GRM1: variants seen among roughly 807,000 people sequenced by gnomAD.
The protein encoded by GRM1 is metabotropic glutamate receptor 1.
In GRM1, 33 loss-of-function variants were observed where a neutral mutation model predicts 90.9. That is an observed-to-expected ratio of 0.36 (90% CI 0.28 to 0.49). The LOEUF (loss-of-function observed/expected upper bound fraction) is 0.49, where lower values mean the gene tolerates loss of function less well. GRM1 is among the 20% of genes least tolerant of loss of function. The probability of loss-of-function intolerance (pLI) is 0.99; values close to 1 mark genes in which losing one functional copy is unlikely to be tolerated. For missense variants in GRM1, 1,190 were observed against 1,534.3 expected (o/e 0.78, Z 3.75); for synonymous variants, 700 against 613.2 (o/e 1.14, Z -2.09).
intron 5 of GRM1, among the ~76,000 whole-genome samples, chr6:146,366,262 C>A (rs1309843321): frequency 6.6e-6 from 1 of 151,960 alleles, no homozygotes; most frequent in Non-Finnish European, 1.5e-5. Flanking sequence ...TATTTTAAAA[C>A]ATGCACACAA....
At chr6:146,225,531 T>C (rs1380399256) in intron 2 of GRM1, among the ~76,000 whole-genome samples, 3 of 152,200 alleles carry the variant, frequency 2.0e-5, no homozygotes, top group Admixed American at 1.3e-4. Context: ...ATTTTCATTT[T>C]GAAGTATGTA....
intron 1 of GRM1, among the ~76,000 whole-genome samples, chr6:146,061,281 A>G (rs1057035589): frequency 6.6e-6 from 1 of 152,170 alleles, no homozygotes; most frequent in African/African-American, 2.4e-5. Flanking sequence ...TGTGACAGAG[A>G]CACAAAGTGA....
chr6:146,305,337 C>A (rs1783537680), intron 3 of GRM1, among the ~76,000 whole-genome samples: 1 of 152,030 alleles, frequency 6.6e-6, no homozygotes, highest in African/African-American at 2.4e-5. Context: ...TCAGTCAGAA[C>A]AATGGTTCAC....
intron 1 of GRM1, among the ~76,000 whole-genome samples, chr6:146,081,576 C>T (rs916882044): frequency 2.6e-5 from 4 of 152,088 alleles, no homozygotes; most frequent in East Asian, 1.9e-4. Flanking sequence ...TGGAGCAGCC[C>T]GTAGTTTGCA....
chr6:146,419,063 G>C (rs531373357), intron 7 of GRM1, among the ~76,000 whole-genome samples: 25 of 152,178 alleles, frequency 1.6e-4, no homozygotes, highest in African/African-American at 6.0e-4. Flanking sequence ...CACAGGAGAG[G>C]TACTGAGATT....
At chr6:146,305,257 G>A (rs1412578658) in intron 3 of GRM1, among the ~76,000 whole-genome samples, 7 of 152,158 alleles carry the variant, frequency 4.6e-5, no homozygotes, top group Admixed American at 3.3e-4. Context: ...ATGAGGTAAT[G>A]TGACCCTAAG....
At chr6:146,285,534 T>A (rs1782730387) in intron 2 of GRM1, among the ~76,000 whole-genome samples, 1 of 152,220 alleles carries the variant, frequency 6.6e-6, no homozygotes. Flanking sequence ...ATGAATTAGA[T>A]CTCTTCCTTT....
chr6:146,149,841 G>C (rs188384828), intron 1 of GRM1, among the ~76,000 whole-genome samples: 3 of 152,150 alleles, frequency 2.0e-5, no homozygotes, highest in Non-Finnish European at 4.4e-5. Flanking sequence ...CTGGAACAGA[G>C]GTGAGGCTGG....
At chr6:146,318,161 C>A (rs189076052) in intron 3 of GRM1, among the ~76,000 whole-genome samples, 56 of 152,198 alleles carry the variant, frequency 3.7e-4, no homozygotes, top group African/African-American at 1.3e-3. Context: ...GCCCCCTATC[C>A]CCCAACAGGC....
chr6:146,102,964 A>C (rs1366231403), intron 1 of GRM1, among the ~76,000 whole-genome samples: 1 of 152,200 alleles, frequency 6.6e-6, no homozygotes, highest in Non-Finnish European at 1.5e-5. Context: ...TGAACAACCA[A>C]ATATTTGGGG....
intron 5 of GRM1, among the ~76,000 whole-genome samples, chr6:146,373,064 A>G (rs1448557005): frequency 6.6e-6 from 1 of 152,146 alleles, no homozygotes; most frequent in Non-Finnish European, 1.5e-5. Flanking sequence ...TAGCATGGGC[A>G]TTTTAACGAT....
At chr6:146,332,619 A>G (rs1414091234) in intron 3 of GRM1, among the ~76,000 whole-genome samples, 2 of 152,212 alleles carry the variant, frequency 1.3e-5, no homozygotes, top group African/African-American at 2.4e-5. Context: ...TGAATAATCT[A>G]GAATAACCCC....
chr6:146,102,234 A>G (rs1371884481), intron 1 of GRM1, among the ~76,000 whole-genome samples: 1 of 151,786 alleles, frequency 6.6e-6, no homozygotes, highest in East Asian at 1.9e-4. Context: ...CACTCTTCCT[A>G]TCCTTGCTTA....
chr6:146,140,556 G>A (rs910751037), intron 1 of GRM1, among the ~76,000 whole-genome samples: 28 of 152,184 alleles, frequency 1.8e-4, no homozygotes, highest in Admixed American at 1.2e-3. Context: ...GGCATGAGCC[G>A]CCACACCCAG....
chr6:146,397,068 A>G (rs1164580742), intron 6 of GRM1, among the ~76,000 whole-genome samples: 1 of 152,102 alleles, frequency 6.6e-6, no homozygotes, highest in Non-Finnish European at 1.5e-5. Flanking sequence ...CCAGTGAGTG[A>G]CCCTGTTGAT....
intron 3 of GRM1, among the ~76,000 whole-genome samples, chr6:146,330,959 T>C (rs1784567299): frequency 6.6e-6 from 1 of 152,188 alleles, no homozygotes; most frequent in South Asian, 2.1e-4. Flanking sequence ...TAATCATATA[T>C]AACAGCAAGC....
chr6:146,274,354 T>G (rs1782280016), intron 2 of GRM1, among the ~76,000 whole-genome samples: 1 of 152,198 alleles, frequency 6.6e-6, no homozygotes, highest in Non-Finnish European at 1.5e-5. Flanking sequence ...AAAATCAATT[T>G]ATATAGGCTA....
chr6:146,092,289 A>G (rs1056347796), intron 1 of GRM1, among the ~76,000 whole-genome samples: 27 of 151,984 alleles, frequency 1.8e-4, no homozygotes, highest in Non-Finnish European at 2.1e-4. Flanking sequence ...CACTAATTCC[A>G]TGAAAGGATT....
chr6:146,178,379 T>C (rs1488395138), intron 2 of GRM1, among the ~76,000 whole-genome samples: 1 of 152,204 alleles, frequency 6.6e-6, no homozygotes, highest in Non-Finnish European at 1.5e-5. Context: ...ATCCCTTAGC[T>C]GAAATGCTTT....
Sources: allele counts gnomAD v4.1 joint callset (sites outside exome capture counted in the v4.1 genomes callset), GRCh38; gene constraint gnomAD v4.1.1; transcripts MANE v1.5; gene names NCBI Gene and HGNC (gene_info 2026-07-23, HGNC 2026-07-21).